ALKBH8: variants seen among roughly 807,000 people sequenced by gnomAD.
ALKBH8 encodes the protein tRNA (carboxymethyluridine(34)-5-O)-methyltransferase ALKBH8.
In ALKBH8, 36 loss-of-function variants were observed where a neutral mutation model predicts 59.8. The observed-to-expected ratio is 0.60, with a 90% CI of 0.46 to 0.79. The LOEUF (loss-of-function observed/expected upper bound fraction) is 0.79. Among genes scored for constraint, ALKBH8 ranks in the 30% least tolerant of loss-of-function variants. The pLI is 0.00. For synonymous variants in ALKBH8, 276 were observed against 273.6 expected (o/e 1.01, Z -0.09); for missense variants, 768 against 801.0 (o/e 0.96, Z 0.50).
At chr11:107,522,957 G>A (rs996028304) in intron 9 of ALKBH8, among the ~76,000 whole-genome samples, 1 of 151,844 alleles carries the variant, frequency 6.6e-6, no homozygotes, top group African/African-American at 2.4e-5. Flanking sequence ...ACCTGCCTTC[G>A]GGCCCCCTCT....
rs907598475 is a variant in ALKBH8 at position 107,502,890 on chromosome 11, A to G, written c.*1768T>C. 2.6e-5 allele frequency: 4 copies of G among 152,236 alleles called. No homozygotes were observed. The highest frequency in any genetic ancestry group is 5.9e-5 in the Non-Finnish European group (4 of 68,032). The allele number at this position is 152,236 out of a possible 1,614,324, so 9.4% of individuals were successfully genotyped here. On this transcript the variant is annotated 3_prime_UTR_variant, in exon 12 of 12. Coordinates refer to ENST00000428149, the MANE Select transcript of ALKBH8 (RefSeq NM_138775.3). ...ACAAATATACTTTCAGTGAATTTTC[A>G]TAACAACTCTTCCAATTTTACAGCT...
At chr11:107,556,064 G>A (rs943650335) in intron 3 of ALKBH8, among the ~76,000 whole-genome samples, 4 of 152,150 alleles carry the variant, frequency 2.6e-5, no homozygotes, top group Admixed American at 6.5e-5. Flanking sequence ...CGGATTACGA[G>A]GTCAGGAGTT....
At chr11:107,516,374 A>C (rs1179728572) in intron 10 of ALKBH8, among the ~76,000 whole-genome samples, 1 of 152,220 alleles carries the variant, frequency 6.6e-6, no homozygotes, top group Non-Finnish European at 1.5e-5. Context: ...CTTTTCAATA[A>C]ATGGTGTTAG....
At position 107,504,829 on chromosome 11, in the gene ALKBH8, A is replaced by C. The variant is rs182877174; in HGVS notation, c.1824T>G (p.Val608=). The C allele has an allele frequency of 4.5e-6, 7 of 1,551,816 alleles. No individual in the cohort carries two copies. The highest frequency in any genetic ancestry group is 6.1e-6 in the Non-Finnish European group (7 of 1,147,000). ...GGGATCCTATGGGACCAAATGGCTC[A>C]ACAGGTTTGCCTTTATCAGGATTTC... ...LKGNPDKGKP[V]EPFGPIGSQD... is the part of the protein sequence containing the mutation. The change falls in exon 12 of 12, where the codon GTT becomes GTG. Residue 608 remains valine, a synonymous_variant. Coordinates refer to ENST00000428149, the MANE Select transcript of ALKBH8 (RefSeq NM_138775.3).
rs1326406534 is a variant in ALKBH8 at position 107,537,977 on chromosome 11, T to G, written c.772-5571A>C. Among the ~76,000 whole-genome samples the G allele has an allele frequency of 2.0e-5, 3 of 152,116 alleles. No homozygotes were observed. The East Asian group carries it at 5.8e-4, about 29-fold the overall frequency. The stretch of plus-strand genomic sequence containing the variant: ...ATGTTTTGAATAAGGAGTCTATACT[T>G]TCATTTGGAATTGGGCCCCACAATT... On this transcript the variant is annotated intron_variant, in intron 7 of 11. Transcript: ENST00000428149.
intron 7 of ALKBH8, among the ~76,000 whole-genome samples, chr11:107,541,835 G>T (rs1455632944): frequency 2.0e-5 from 3 of 152,070 alleles, no homozygotes; most frequent in Non-Finnish European, 4.4e-5. Context: ...AAACAAAGAT[G>T]CTTACCATGT....
chr11:107,537,420 T>G (rs1863864723), intron 7 of ALKBH8, among the ~76,000 whole-genome samples: 1 of 152,206 alleles, frequency 6.6e-6, no homozygotes, highest in East Asian at 1.9e-4. Context: ...CAGATGGAGT[T>G]GGAAGCCACT....
At chr11:107,531,196 A>G (rs1309032165) in intron 8 of ALKBH8, among the ~76,000 whole-genome samples, 2 of 152,174 alleles carry the variant, frequency 1.3e-5, no homozygotes, top group African/African-American at 2.4e-5. Flanking sequence ...GACAGGTTAT[A>G]AATTCTTTTA....
In ALKBH8 at chr11:107,522,324, A is replaced by G; in HGVS notation, c.1262T>C (p.Leu421Pro). 3.2e-6 allele frequency: 5 copies of G among 1,551,680 alleles called. No homozygotes were observed. The highest frequency in any genetic ancestry group is 4.4e-6 in the Non-Finnish European group (5 of 1,146,964). ...ADIGCGNGKY[L>P]GINKELYMIG... ...CATATATAACTCCTTATTGATGCCAAGATACTTTCCATTACCACATCCAAT... is the reference window on the plus strand; with the variant it reads ...CATATATAACTCCTTATTGATGCCAGGATACTTTCCATTACCACATCCAAT... The change falls in exon 10 of 12, where the codon CTT becomes CCT. Residue 421 changes from leucine (L) to proline (P), a missense_variant. By Grantham distance (98) the Leu-to-Pro change is moderately conservative. Coordinates refer to ENST00000428149, the MANE Select transcript of ALKBH8 (RefSeq NM_138775.3).
chr11:107,544,852 CACACACACAA>C (rs1222410658), intron 7 of ALKBH8, among the ~76,000 whole-genome samples: 2 of 143,466 alleles, frequency 1.4e-5, no homozygotes, highest in Admixed American at 1.4e-4. Context: ...CACACACACA[CACACACACAA>C]AGAAGGAGAA....
chr11:107,505,149 A>G lies in ALKBH8; in HGVS notation c.1504T>C (p.Tyr502His). The G allele has an allele frequency of 6.4e-7, 1 of 1,551,280 alleles. No individual in the cohort carries two copies. The highest frequency in any genetic ancestry group is 2.4e-5 in the East Asian group (1 of 40,914). ...LLRPGGKALI[Y>H]VWAMEQEYNK... ...TATTCTTGTTCCATTGCCCAGACAT[A>G]AATGAGTGCCTTCCCACCTGGTCTC... Residue 502 changes from tyrosine to histidine, a missense_variant, in exon 12 of 12, where the codon TAT (tyrosine) becomes CAT (histidine). Tyr to His is a moderately conservative substitution (Grantham distance 83, BLOSUM62 2). Transcript: ENST00000428149.
In ALKBH8 at chr11:107,504,802, C is replaced by G. The variant is rs1463113005; in HGVS notation, c.1851G>C (p.Gln617His). 6.4e-7 allele frequency: 1 copy of G among 1,551,870 alleles called. No individual in the cohort carries two copies. The highest frequency in any genetic ancestry group is 8.7e-7 in the Non-Finnish European group (1 of 1,147,018). Residue 617 changes from glutamine to histidine, a missense_variant, in exon 12 of 12, where the codon CAG becomes CAC. Transcript: ENST00000428149. ...PVEPFGPIGS[Q>H]DPSPVFHRYY... is the part of the protein sequence containing the mutation. ...AACGATGAAACACAGGACTTGGGTC[C>G]TGGGATCCTATGGGACCAAATGGCT...
chr11:107,548,932 C>T lies in ALKBH8; in HGVS notation c.771+821G>A, dbSNP rs543211. Among the ~76,000 whole-genome samples the T allele has an allele frequency of 5.4e-3, 825 of 151,934 alleles. 4 individuals carry two copies. Among genetic ancestry groups the T allele is most frequent in the African/African-American group, 0.018 (737 of 41,408 alleles). On this transcript the variant is annotated intron_variant, in intron 7 of 11. Coordinates refer to ENST00000428149, the MANE Select transcript of ALKBH8 (RefSeq NM_138775.3). Reference sequence around the variant, plus strand: ...GTGGCGCAATCTCGGCTCACTGCAACCTCTGCCTCCCAGGTTCAAGTGATT... The same window carrying T: ...GTGGCGCAATCTCGGCTCACTGCAATCTCTGCCTCCCAGGTTCAAGTGATT...
chr11:107,514,886 G>C, intron 10 of ALKBH8, among the ~76,000 whole-genome samples: 1 of 151,922 alleles, frequency 6.6e-6, no homozygotes, highest in East Asian at 1.9e-4. Flanking sequence ...TATTACCTGA[G>C]AGCCACAGAT....
chr11:107,521,893 T>A (rs1863126573), intron 10 of ALKBH8, among the ~76,000 whole-genome samples: 1 of 152,128 alleles, frequency 6.6e-6, no homozygotes, highest in Non-Finnish European at 1.5e-5. Context: ...TTATATGACA[T>A]CAGGAAATTA....
chr11:107,532,516 A>G lies in ALKBH8; in HGVS notation c.772-110T>C, dbSNP rs1234283537. 6.1e-6 allele frequency: 5 copies of G among 816,834 alleles called. No individual in the cohort carries two copies. The Admixed American group carries it at 9.0e-5, about 15-fold the overall frequency. 50.6% of individuals were successfully genotyped at this position (816,834 alleles called of 1,614,324 possible). On this transcript the variant is annotated intron_variant, in intron 7 of 11. Transcript: ENST00000428149. ...TTTCTAGGCTAACAGAGATTAAAAC[A>G]TAATAATGCTTGCAGAAAAGCATAG...
In ALKBH8 at chr11:107,530,600, AACACACACACAC is replaced by A. The variant is rs66736211; in HGVS notation, c.878+1688_878+1699del. Among the ~76,000 whole-genome samples, 1,025 of 132,086 alleles carry A rather than the reference AACACACACACAC, an allele frequency of 7.8e-3. 10 individuals are homozygous for A. The highest frequency in any genetic ancestry group is 0.019 in the African/African-American group (638 of 32,976). 86.7% of individuals were successfully genotyped at this position (132,086 alleles called of 152,430 possible). ...CATTTCCCCATCTCTCTCTCTTCCT[AACACACACACAC>A]ACACACACACACACACACACACACA... On this transcript the variant is annotated intron_variant, in intron 8 of 11. Coordinates refer to ENST00000428149, the MANE Select transcript of ALKBH8 (RefSeq NM_138775.3).
rs627421 is a variant in ALKBH8 at position 107,520,065 on chromosome 11, C to T, written c.1287+2234G>A. Among the ~76,000 whole-genome samples, 543 of 152,258 alleles carry T rather than the reference C, an allele frequency of 3.6e-3. 2 individuals carry two copies. The highest frequency in any genetic ancestry group is 0.011 in the African/African-American group (462 of 41,546). On this transcript the variant is annotated intron_variant, in intron 10 of 11. Coordinates refer to ENST00000428149, the MANE Select transcript of ALKBH8 (RefSeq NM_138775.3). ...AGATCCTAAAGGTAATTTTATCCTG[C>T]GGTAAGTCCCACCCATTTTGAGGTT...
rs73555515 is a variant in ALKBH8 at position 107,557,484 on chromosome 11, G to C, written c.130-481C>G. Among the ~76,000 whole-genome samples the C allele has an allele frequency of 6.9e-3, 1,046 of 152,216 alleles. 9 individuals are homozygous for C. Among genetic ancestry groups the C allele is most frequent in the African/African-American group, 0.024 (992 of 41,530 alleles). ...CATAGAAGAAGATCTGACAAATTAG[G>C]TTAAGGTGGTGATTAGGGGTGGGTT... On this transcript the variant is annotated intron_variant, in intron 2 of 11. Transcript: ENST00000428149.
Sources: gnomAD v4.1 joint callset for allele counts (sites outside exome capture counted in the v4.1 genomes callset) on GRCh38, gnomAD v4.1.1 for gene constraint, MANE v1.5 for transcripts, NCBI Gene and HGNC (gene_info 2026-07-23, HGNC 2026-07-21) for gene names.